The following HGF variants were observed in gnomAD, a reference collection of about 807,000 sequenced individuals.
HGF encodes hepatocyte growth factor, also known as fibroblast-derived tumor cytotoxic factor.
HGF carries 39 observed loss-of-function variants against 111.6 expected under a neutral mutation model. The ratio of observed to expected loss-of-function variants is 0.35; its 90% CI spans 0.27 to 0.46. HGF has a LOEUF of 0.46. Ranked by LOEUF, HGF falls within the 20% of genes least tolerant of loss-of-function variation. The pLI is 1.00. For synonymous variants in HGF, 285 were observed against 294.8 expected, an observed-to-expected ratio of 0.97 and a Z score of 0.34; for missense variants, 735 against 910.5, an observed-to-expected ratio of 0.81 and a Z score of 2.48.
At chr7:81,743,597 G>A in intron 6 of HGF, 126 bp from the exon 7 acceptor site, 5 of 762,272 alleles carry the variant, frequency 6.6e-6, no homozygotes, top group Middle Eastern at 4.5e-4. Flanking sequence ...CGTTTTCTAT[G>A]TTTTGCCTTA....
chr7:81,702,974 T>C (rs1227235249), intron 17 of HGF, among the ~76,000 whole-genome samples: 3 of 151,722 alleles, frequency 2.0e-5, no homozygotes, highest in African/African-American at 7.2e-5. Flanking sequence ...AGTGTTCTAT[T>C]ATGTGTGGTA....
At chr7:81,755,886 T>C (rs1788742805) in intron 4 of HGF, 1 of 616,570 alleles carries the variant, frequency 1.6e-6, no homozygotes, top group South Asian at 1.9e-5. Flanking sequence ...ACTTACTAGC[T>C]AGTGTTAATT....
chr7:81,730,734 C>T (rs1787624171), intron 7 of HGF, among the ~76,000 whole-genome samples: 3 of 152,110 alleles, frequency 2.0e-5, no homozygotes, highest in Admixed American at 1.3e-4. Context: ...CATTCCAGAG[C>T]AACTAAAATT....
At position 81,744,034 on chromosome 7, in the gene HGF, C is replaced by T. The variant is rs5745672; in HGVS notation, c.747-563G>A. 9.6e-3 allele frequency among the ~76,000 whole-genome samples: 1,459 copies of T among 152,190 alleles called. 21 individuals are homozygous for T. Among genetic ancestry groups the T allele is most frequent in the African/African-American group, 0.034 (1,396 of 41,504 alleles). On this transcript the variant is annotated intron_variant, in intron 6 of 17. Transcript: ENST00000222390. ...CTTGATTTTAATTGCTACCATATCC[C>T]TTCTGCTCTCACTTAAACGACAAGA... is the stretch of plus-strand genomic sequence containing the variant.
At chr7:81,715,409 T>C (rs530141045) in intron 11 of HGF, among the ~76,000 whole-genome samples, 128 of 152,252 alleles carry the variant, frequency 8.4e-4, no homozygotes, top group Non-Finnish European at 1.4e-3. Context: ...TTTCTTTTAG[T>C]ATTAACATTG....
intron 8 of HGF, among the ~76,000 whole-genome samples, chr7:81,726,912 A>C (rs985186977): frequency 6.6e-6 from 1 of 151,976 alleles, no homozygotes; most frequent in African/African-American, 2.4e-5. Flanking sequence ...CATTTCATAG[A>C]TTCCTTTTTA....
At chr7:81,713,142 TAA>T (rs1363984155) in intron 11 of HGF, among the ~76,000 whole-genome samples, 3 of 152,222 alleles carry the variant, frequency 2.0e-5, no homozygotes, top group Non-Finnish European at 4.4e-5. Flanking sequence ...TCTTGTATAT[TAA>T]GTCTCTTATT....
intron 5 of HGF, among the ~76,000 whole-genome samples, chr7:81,748,364 T>C (rs950623638): frequency 6.6e-6 from 1 of 152,212 alleles, no homozygotes; most frequent in Admixed American, 6.5e-5. Context: ...ATTGGACACC[T>C]TATCCAAAGT....
At chr7:81,751,351 A>G in intron 5 of HGF, 5 of 984,084 alleles carry the variant, frequency 5.1e-6, no homozygotes, top group Non-Finnish European at 6.0e-6. Context: ...TTCAGTAGCC[A>G]GATAACTAAG....
intron 11 of HGF, 54 bp downstream of exon 11, chr7:81,717,178 A>AAAT: frequency 6.4e-7 from 1 of 1,566,564 alleles, no homozygotes; most frequent in Admixed American, 1.7e-5. Context: ...CTTTTAGATG[A>AAAT]AATGTAGTAC....
chr7:81,705,754 C>A lies in HGF; in HGVS notation c.1758-1G>T, dbSNP rs2115767114. 1 of 1,576,250 alleles carries A rather than the reference C, an allele frequency of 6.3e-7. No individual in the cohort carries two copies. The highest frequency in any genetic ancestry group is 2.2e-5 in the East Asian group (1 of 44,558). On this transcript the variant is annotated splice_acceptor_variant, in intron 15 of 17. Coordinates refer to ENST00000222390, the MANE Select transcript of HGF (RefSeq NM_000601.6). LOFTEE classifies it high-confidence loss of function. ...AACAAAATCATCCAGGACAGCAGGC[C>A]TGAAAACACAAAATACAATGGTAAG...
intron 7 of HGF, among the ~76,000 whole-genome samples, chr7:81,741,247 A>G (rs1276081018): frequency 6.6e-6 from 1 of 152,156 alleles, no homozygotes; most frequent in African/African-American, 2.4e-5. Context: ...GACTTTTTAA[A>G]TTTGAGTGAT....
In HGF at chr7:81,699,704, T is replaced by C. The variant is rs569697536; in HGVS notation, c.*2877A>G. 2.6e-5 allele frequency: 4 copies of C among 151,714 alleles called. No individual in the cohort carries two copies. Among genetic ancestry groups the C allele is most frequent in the African/African-American group, 9.7e-5 (4 of 41,418 alleles). 9.4% of individuals were successfully genotyped at this position (151,714 alleles called of 1,614,324 possible). On this transcript the variant is annotated 3_prime_UTR_variant, in exon 18 of 18. Transcript: ENST00000222390. ...CAAGAGAATGTTGTGGCTATAACAT[T>C]CACTTTGTACAGTACCATTGGTACC...
intron 2 of HGF, among the ~76,000 whole-genome samples, chr7:81,759,231 A>C (rs1335560296): frequency 6.6e-6 from 1 of 152,204 alleles, no homozygotes; most frequent in Non-Finnish European, 1.5e-5. Flanking sequence ...AAGCTATCTC[A>C]ATTATATCTG....
In HGF at chr7:81,729,585, C is replaced by T. The variant is rs1298987495; in HGVS notation, c.1040+20G>A. The T allele has an allele frequency of 1.3e-6, 2 of 1,590,632 alleles. No homozygotes were observed. Among genetic ancestry groups the T allele is most frequent in the Non-Finnish European group, 1.7e-6 (2 of 1,158,740 alleles). Reference sequence around the variant, plus strand: ...CCCCAGGGCCTACTGAAATGTATAACATTTGCCTACTTTACTCACTTGCAC... The same window carrying T: ...CCCCAGGGCCTACTGAAATGTATAATATTTGCCTACTTTACTCACTTGCAC... On this transcript the variant is annotated intron_variant, in intron 8 of 17. Transcript: ENST00000222390.
Position 81,700,946 on chromosome 7 carries a change from T to C in HGF, c.*1635A>G, listed in dbSNP as rs2115732772. The C allele has an allele frequency of 6.6e-6, 1 of 151,758 alleles. No homozygotes were observed. 9.4% of individuals were successfully genotyped at this position (151,758 alleles called of 1,614,324 possible). A position where few individuals can be genotyped will look rare whatever the true frequency, so the allele number is the denominator to read the frequency against. ...GAATTGTTTGGGGACTTGGCCTTGA[T>C]AAAAATCACTCAAGAAAACTAAGTC... On this transcript the variant is annotated 3_prime_UTR_variant, in exon 18 of 18. Transcript: ENST00000222390.
intron 14 of HGF, 77 bp downstream of exon 14, chr7:81,707,210 ATAT>A (rs1789451086): frequency 5.1e-6 from 4 of 785,656 alleles, no homozygotes; most frequent in Non-Finnish European, 9.0e-6. Context: ...AAATGAATAC[ATAT>A]TATAACCTTA....
Position 81,706,428 on chromosome 7 carries a change from C to CT in HGF, c.1617-2dup, listed in dbSNP as rs1424632054. On this transcript the variant is annotated splice_acceptor_variant, in intron 14 of 17. Transcript: ENST00000222390. LOFTEE classifies it high-confidence loss of function. Reference sequence around the variant, plus strand: ...CCAAGCTTCATAATCTTTCAAGTCTCTGTTTTGAAGGAAAAAAATTTAAAT... The same window carrying CT: ...CCAAGCTTCATAATCTTTCAAGTCTCTTGTTTTGAAGGAAAAAAATTTAAAT... The CT allele has an allele frequency of 1.2e-6, 2 of 1,610,460 alleles. No individual in the cohort carries two copies. The highest frequency in any genetic ancestry group is 1.1e-5 in the South Asian group (1 of 90,988).
chr7:81,731,926 G>C (rs1333743092), intron 7 of HGF, among the ~76,000 whole-genome samples: 2 of 152,058 alleles, frequency 1.3e-5, no homozygotes, highest in Non-Finnish European at 2.9e-5. Flanking sequence ...ACAATGGAAG[G>C]GAGTTCAGAG....
Sources: gnomAD v4.1 joint callset for allele counts (sites outside exome capture counted in the v4.1 genomes callset) on GRCh38, gnomAD v4.1.1 for gene constraint, MANE v1.5 for transcripts, NCBI Gene and HGNC (gene_info 2026-07-23, HGNC 2026-07-21) for gene names.